TMEM217B: variants seen among roughly 807,000 people sequenced by gnomAD.
The protein encoded by TMEM217B is transmembrane protein 217B.
chr6:37,254,960 T>G, the TMEM217B span, among the ~76,000 whole-genome samples: 2 of 152,168 alleles, frequency 1.3e-5, no homozygotes, highest in African/African-American at 4.8e-5. Flanking sequence ...ATCCCTTGTA[T>G]GAGCAGTTCA....
At chr6:37,212,912 G>C in the TMEM217B span, 1 of 1,547,000 alleles carries the variant, frequency 6.5e-7, no homozygotes, top group African/African-American at 1.4e-5. Context: ...ATGAAGAACT[G>C]GGTGGTATTA....
the TMEM217B span, among the ~76,000 whole-genome samples, chr6:37,228,930 G>A: frequency 6.6e-6 from 1 of 151,858 alleles, no homozygotes; most frequent in African/African-American, 2.4e-5. Context: ...CTGGGAGGTG[G>A]AGCTTGCAGT....
At chr6:37,220,923 T>C in the TMEM217B span, among the ~76,000 whole-genome samples, 1 of 152,094 alleles carries the variant, frequency 6.6e-6, no homozygotes, top group Non-Finnish European at 1.5e-5. Flanking sequence ...GTATAATTCA[T>C]GCATATATAA....
At chr6:37,232,986 G>A in the TMEM217B span, among the ~76,000 whole-genome samples, 179 of 151,756 alleles carry the variant, frequency 1.2e-3, no homozygotes, top group African/African-American at 4.0e-3. Context: ...CCTCACTGTG[G>A]TTCTGCTGCC....
At chr6:37,215,570 CAAAAAAAAAAAAAAAAAA>C in the TMEM217B span, among the ~76,000 whole-genome samples, 1 of 72,376 alleles carries the variant, frequency 1.4e-5, no homozygotes, top group Non-Finnish European at 2.4e-5. Context: ...GACTCTGTCT[CAAAAAAAAAAAAAAAAAA>C]AAAAAAAAAA....
chr6:37,252,609 A>G, the TMEM217B span, among the ~76,000 whole-genome samples: 17 of 36,380 alleles, frequency 4.7e-4, no homozygotes, highest in African/African-American at 2.1e-3. Flanking sequence ...GTGTGTGTGT[A>G]TGTGTGTGTA....
At chr6:37,244,804 G>A in the TMEM217B span, among the ~76,000 whole-genome samples, 1 of 152,344 alleles carries the variant, frequency 6.6e-6, no homozygotes, top group African/African-American at 2.4e-5. Flanking sequence ...ATCTCAGCTG[G>A]ACTCGCTCAA....
the TMEM217B span, among the ~76,000 whole-genome samples, chr6:37,243,674 C>T: frequency 6.6e-6 from 1 of 152,196 alleles, no homozygotes; most frequent in East Asian, 1.9e-4. Context: ...TCTCGGCTCA[C>T]TGCAACCTCC....
chr6:37,214,037 C>T, the TMEM217B span, among the ~76,000 whole-genome samples: 22,240 of 152,266 alleles, frequency 0.15, 2,086 homozygotes, highest in Non-Finnish European at 0.21. Flanking sequence ...CCAGGCAGAG[C>T]ACAGACAGGC....
chr6:37,241,176 G>A, the TMEM217B span, among the ~76,000 whole-genome samples: 3 of 147,414 alleles, frequency 2.0e-5, no homozygotes, highest in African/African-American at 7.6e-5. Flanking sequence ...TTGGCTCACT[G>A]CACCTTTGAC....
At chr6:37,253,663 A>G in the TMEM217B span, among the ~76,000 whole-genome samples, 1 of 152,074 alleles carries the variant, frequency 6.6e-6, no homozygotes, top group Admixed American at 6.6e-5. Context: ...CCTTCCCCTC[A>G]TCACAGTGTC....
At chr6:37,233,403 G>A in the TMEM217B span, among the ~76,000 whole-genome samples, 3 of 152,144 alleles carry the variant, frequency 2.0e-5, no homozygotes, top group Non-Finnish European at 2.9e-5. Context: ...CTCAGTTTTG[G>A]AGGCTGAGAA....
chr6:37,239,106 T>C, the TMEM217B span, among the ~76,000 whole-genome samples: 1 of 152,224 alleles, frequency 6.6e-6, no homozygotes, highest in African/African-American at 2.4e-5. Context: ...CACTCCAGCC[T>C]GGGTGACACA....
the TMEM217B span, among the ~76,000 whole-genome samples, chr6:37,223,665 T>C: frequency 8.5e-5 from 13 of 152,174 alleles, no homozygotes; most frequent in South Asian, 2.1e-3. Context: ...TGTGCCACCA[T>C]GCCCAGCTAA....
the TMEM217B span, among the ~76,000 whole-genome samples, chr6:37,231,226 A>ATTT: frequency 2.0e-3 from 178 of 87,332 alleles, no homozygotes; most frequent in Non-Finnish European, 3.0e-3. Flanking sequence ...TGCCTGGCTA[A>ATTT]TTTTTTTTTT....
the TMEM217B span, among the ~76,000 whole-genome samples, chr6:37,245,239 C>T: frequency 6.6e-6 from 1 of 151,706 alleles, no homozygotes; most frequent in Non-Finnish European, 1.5e-5. Context: ...GTAGCCCCAA[C>T]ATCATAACAC....
At chr6:37,221,438 C>G in the TMEM217B span, among the ~76,000 whole-genome samples, 22 of 152,222 alleles carry the variant, frequency 1.4e-4, no homozygotes, top group Admixed American at 6.5e-4. Context: ...CCTCCCACCT[C>G]GGCCTCCCAA....
the TMEM217B span, among the ~76,000 whole-genome samples, chr6:37,220,767 A>C: frequency 1.3e-5 from 2 of 152,168 alleles, no homozygotes; most frequent in African/African-American, 2.4e-5. Flanking sequence ...CATAGTGAAA[A>C]ATAACCAAGC....
At chr6:37,229,316 G>A in the TMEM217B span, among the ~76,000 whole-genome samples, 20 of 132,384 alleles carry the variant, frequency 1.5e-4, no homozygotes, top group South Asian at 4.7e-3. Context: ...AATCTGACTC[G>A]TCTCCCTAGC....
Sources: allele counts gnomAD v4.1 joint callset (sites outside exome capture counted in the v4.1 genomes callset), GRCh38; gene constraint gnomAD v4.1.1; transcripts MANE v1.5; gene names NCBI Gene and HGNC (gene_info 2026-07-23, HGNC 2026-07-21).